Variants in CFI observed in about 807,000 individuals in gnomAD.
CFI encodes the protein C3B/C4B inactivator.
CFI carries 66 observed loss-of-function variants against 78.8 expected under a neutral mutation model. The ratio of observed to expected loss-of-function variants is 0.84; its 90% CI spans 0.69 to 1.03. CFI has a LOEUF of 1.03. CFI is among the 50% of genes least tolerant of loss of function. The pLI, the probability that CFI is intolerant of heterozygous loss-of-function variation, is 0.00. For synonymous variants in CFI, 250 were observed against 232.6 expected (o/e 1.07, Z -0.68); for missense variants, 706 against 704.5 (o/e 1.00, Z -0.02).
intron 8 of CFI, among the ~76,000 whole-genome samples, chr4:109,751,359 G>C (rs1725107521): frequency 6.6e-6 from 1 of 150,388 alleles, no homozygotes; most frequent in Non-Finnish European, 1.5e-5. Flanking sequence ...ATCTGAAAAT[G>C]AATGTTATTC....
intron 7 of CFI, among the ~76,000 whole-genome samples, chr4:109,757,195 AT>A (rs528710877): frequency 0.018 from 2,654 of 144,718 alleles, 53 homozygotes; most frequent in African/African-American, 0.056. Context: ...CGCCAGGATA[AT>A]TTTTTTTTTT....
chr4:109,757,249 T>C (rs1726435258), intron 7 of CFI, among the ~76,000 whole-genome samples: 1 of 149,680 alleles, frequency 6.7e-6, no homozygotes, highest in African/African-American at 2.4e-5. Context: ...TTAGCCAGGA[T>C]GGTCTCAATC....
intron 1 of CFI, chr4:109,794,394 T>C (rs1156312921): frequency 3.9e-5 from 6 of 152,220 alleles, no homozygotes; most frequent in Non-Finnish European, 7.3e-5. Context: ...TGTTGACTAT[T>C]TCTTCTGCCT....
intron 8 of CFI, among the ~76,000 whole-genome samples, chr4:109,750,588 C>A (rs190731664): frequency 6.6e-6 from 1 of 151,984 alleles, no homozygotes; most frequent in Non-Finnish European, 1.5e-5. Context: ...TGAGAAAACA[C>A]GGTAGAGCAA....
At chr4:109,741,942 TC>T (rs1374881637) in intron 12 of CFI, 1 of 161,414 alleles carries the variant, frequency 6.2e-6, no homozygotes, top group Non-Finnish European at 1.4e-5. Context: ...AACCATGTTA[TC>T]AAAGGAGTCC....
intron 1 of CFI, among the ~76,000 whole-genome samples, chr4:109,772,108 C>G (rs1282584598): frequency 6.6e-6 from 1 of 152,362 alleles, no homozygotes; most frequent in East Asian, 1.9e-4. Flanking sequence ...AACACGAACA[C>G]AGTGGCTGTT....
chr4:109,787,766 A>AT (rs1263915566), intron 1 of CFI, among the ~76,000 whole-genome samples: 2 of 151,792 alleles, frequency 1.3e-5, no homozygotes, highest in Non-Finnish European at 2.9e-5. Context: ...CAACTCCATT[A>AT]TTTTTGTCTT....
At chr4:109,739,525 G>A (rs752842972), downstream of CFI, among the ~76,000 whole-genome samples, 4 of 152,112 alleles carry the variant, frequency 2.6e-5, no homozygotes, top group Non-Finnish European at 5.9e-5. Flanking sequence ...ACCTACAATA[G>A]CCTTGGGGTC....
At chr4:109,736,789 T>C (rs529854959), downstream of CFI, among the ~76,000 whole-genome samples, 90 of 152,290 alleles carry the variant, frequency 5.9e-4, 2 homozygotes, top group South Asian at 0.018. Flanking sequence ...AAACCTCTGG[T>C]TGATTTTCAG....
At chr4:109,760,485 A>G in intron 5 of CFI, 38 bp downstream of exon 5, 1 of 1,487,860 alleles carries the variant, frequency 6.7e-7, no homozygotes, top group Non-Finnish European at 9.4e-7. Flanking sequence ...AGTCAGAAAA[A>G]TGAATTTAGA....
intron 1 of CFI, among the ~76,000 whole-genome samples, chr4:109,801,099 A>G (rs907491783): frequency 2.0e-5 from 3 of 152,266 alleles, no homozygotes; most frequent in African/African-American, 7.2e-5. Context: ...ATCATCAATA[A>G]GTATCCAAAA....
intron 8 of CFI, among the ~76,000 whole-genome samples, chr4:109,751,919 AC>A (rs1725190204): frequency 6.6e-6 from 1 of 152,206 alleles, no homozygotes; most frequent in South Asian, 2.1e-4. Flanking sequence ...CTAATACATA[AC>A]TGAGTCAGAA....
downstream of CFI, among the ~76,000 whole-genome samples, chr4:109,736,265 T>C (rs762381096): frequency 3.9e-5 from 6 of 152,228 alleles, no homozygotes; most frequent in Admixed American, 1.3e-4. Flanking sequence ...TTATCAAGAC[T>C]CTTTTTCCTG....
chr4:109,752,356 A>G (rs960850917), intron 8 of CFI, 112 bp downstream of exon 8: 1 of 922,866 alleles, frequency 1.1e-6, no homozygotes, highest in Non-Finnish European at 1.7e-6. Flanking sequence ...TTTTTAATTT[A>G]AATTGATACC....
rs780858107 is a variant in CFI at position 109,746,368 on chromosome 4, T to C, written c.1283A>G (p.Asn428Ser). 3.1e-6 allele frequency: 5 copies of C among 1,614,198 alleles called. No homozygotes were observed. The highest frequency in any genetic ancestry group is 3.4e-6 in the Non-Finnish European group (4 of 1,180,032). Residue 428 changes from asparagine (N) to serine (S), a missense_variant, in exon 11 of 13, where the codon AAT becomes AGT. Asn to Ser is a conservative substitution (Grantham distance 46). Coordinates refer to ENST00000394634, the MANE Select transcript of CFI (RefSeq NM_000204.5). The stretch of plus-strand genomic sequence containing the variant: ...TTTCATTTCAATCAAAGCGATGTCA[T>C]TTTGGTAAGTGCCTGCATTGTAGTT... ...HENYNAGTYQ[N>S]DIALIEMKKD...
intron 7 of CFI, among the ~76,000 whole-genome samples, chr4:109,754,053 G>A (rs1486775810): frequency 2.7e-5 from 4 of 150,656 alleles, no homozygotes; most frequent in East Asian, 1.9e-4. Flanking sequence ...GCACGATCTC[G>A]GCTCACTGCA....
chr4:109,758,544 C>T (rs1726612002), intron 6 of CFI, among the ~76,000 whole-genome samples: 1 of 152,122 alleles, frequency 6.6e-6, no homozygotes. Flanking sequence ...CATTATTCTG[C>T]CTCTCTATAG....
chr4:109,744,105 C>G (rs1194134469), intron 11 of CFI, among the ~76,000 whole-genome samples: 1 of 152,080 alleles, frequency 6.6e-6, no homozygotes, highest in East Asian at 1.9e-4. Context: ...GGTAACTATT[C>G]TAGATTAAAA....
intron 6 of CFI, among the ~76,000 whole-genome samples, chr4:109,759,311 T>C (rs901839801): frequency 6.6e-6 from 1 of 151,560 alleles, no homozygotes; most frequent in Non-Finnish European, 1.5e-5. Context: ...GTGGGGAAGA[T>C]AACTCTTGAT....
Sources: gnomAD v4.1 joint callset for allele counts (sites outside exome capture counted in the v4.1 genomes callset) on GRCh38, gnomAD v4.1.1 for gene constraint, MANE v1.5 for transcripts, NCBI Gene and HGNC (gene_info 2026-07-23, HGNC 2026-07-21) for gene names.